FARS2: variants seen among roughly 807,000 people sequenced by gnomAD.
The protein encoded by FARS2 is phenylalanine--tRNA ligase, mitochondrial.
FARS2 carries 40 observed loss-of-function variants against 46.4 expected under a neutral mutation model. The observed-to-expected ratio is 0.86, with a 90% CI of 0.67 to 1.12. The LOEUF (loss-of-function observed/expected upper bound fraction) is 1.12, where lower values mean the gene tolerates loss of function less well. FARS2 is among the 50% of genes most tolerant of loss of function. The pLI is 0.00. For synonymous variants in FARS2, 234 were observed against 214.9 expected (o/e 1.09, Z -0.78); for missense variants, 513 against 567.9 (o/e 0.90, Z 0.98).
chr6:5,350,909 T>C (rs1344338423), intron 1 of FARS2, among the ~76,000 whole-genome samples: 3 of 152,148 alleles, frequency 2.0e-5, no homozygotes, highest in Middle Eastern at 3.2e-3. Context: ...AGAGCTGGGG[T>C]TTCTTCTAGC....
At chr6:5,659,968 T>G (rs924023814) in intron 6 of FARS2, among the ~76,000 whole-genome samples, 1 of 152,164 alleles carries the variant, frequency 6.6e-6, no homozygotes, top group Non-Finnish European at 1.5e-5. Flanking sequence ...TTTACTACCT[T>G]CCTCTCCCTT....
intron 6 of FARS2, among the ~76,000 whole-genome samples, chr6:5,770,152 T>C (rs1480232994): frequency 6.6e-6 from 1 of 152,200 alleles, no homozygotes; most frequent in Non-Finnish European, 1.5e-5. Flanking sequence ...GTGGCATCAA[T>C]GGGACTACCA....
At chr6:5,383,724 T>A (rs1269609088) in intron 2 of FARS2, among the ~76,000 whole-genome samples, 1 of 152,154 alleles carries the variant, frequency 6.6e-6, no homozygotes, top group Non-Finnish European at 1.5e-5. Flanking sequence ...ATGTCAATTA[T>A]GTATCTTGTG....
intron 6 of FARS2, among the ~76,000 whole-genome samples, chr6:5,702,032 T>C (rs969321339): frequency 1.3e-5 from 2 of 152,230 alleles, no homozygotes; most frequent in Admixed American, 6.5e-5. Context: ...TTGGCTATTT[T>C]TTAACTTTGT....
chr6:5,626,788 G>A (rs553677237), intron 6 of FARS2, among the ~76,000 whole-genome samples: 2 of 152,140 alleles, frequency 1.3e-5, no homozygotes, highest in African/African-American at 4.8e-5. Context: ...ATCACTTAAC[G>A]ACGGGGATAC....
In FARS2 at chr6:5,470,224, GA is replaced by G. The variant is rs936994963; in HGVS notation, c.904+39060del. ...CCAAGTGTGGATCAAAAATATTCAG[GA>G]AAAAAAATGCAAGTAAAAAACAATA... On this transcript the variant is annotated intron_variant, in intron 4 of 6. Coordinates refer to ENST00000274680, the MANE Select transcript of FARS2 (RefSeq NM_006567.5). Among the ~76,000 whole-genome samples, 3 of 151,768 alleles carry G rather than the reference GA, an allele frequency of 2.0e-5. 1 individual carries two copies. Among genetic ancestry groups the G allele is most frequent in the Admixed American group, 2.0e-4 (3 of 15,248 alleles).
intron 4 of FARS2, among the ~76,000 whole-genome samples, chr6:5,436,070 C>G (rs977212957): frequency 2.0e-5 from 3 of 152,266 alleles, no homozygotes; most frequent in Admixed American, 6.5e-5. Flanking sequence ...GACATACAAA[C>G]AAATGATTAC....
intron 5 of FARS2, among the ~76,000 whole-genome samples, chr6:5,576,454 C>T (rs1401362969): frequency 6.6e-6 from 1 of 151,956 alleles, no homozygotes; most frequent in Non-Finnish European, 1.5e-5. Context: ...AGTTTTGGCA[C>T]TCGTACTGGC....
At chr6:5,388,957 T>C (rs1760312938) in intron 2 of FARS2, among the ~76,000 whole-genome samples, 1 of 152,150 alleles carries the variant, frequency 6.6e-6, no homozygotes, top group African/African-American at 2.4e-5. Flanking sequence ...TTAGCAGGTA[T>C]CTTGTATTCC....
chr6:5,558,086 G>C (rs2150529331), intron 5 of FARS2, among the ~76,000 whole-genome samples: 1 of 151,982 alleles, frequency 6.6e-6, no homozygotes, highest in Admixed American at 6.6e-5. Context: ...AACGTTCTAG[G>C]GACCAAATGA....
intron 6 of FARS2, among the ~76,000 whole-genome samples, chr6:5,625,489 G>C (rs1775985029): frequency 6.6e-6 from 1 of 152,222 alleles, no homozygotes; most frequent in Non-Finnish European, 1.5e-5. Context: ...AGCATAGACA[G>C]GGATGAGGTC....
At chr6:5,417,102 G>C (rs1268297778) in intron 3 of FARS2, among the ~76,000 whole-genome samples, 2 of 152,130 alleles carry the variant, frequency 1.3e-5, no homozygotes, top group African/African-American at 2.4e-5. Context: ...CAGAAGGTCT[G>C]CTTCTGCTAG....
chr6:5,644,280 A>G (rs1776965889), intron 6 of FARS2, among the ~76,000 whole-genome samples: 1 of 151,826 alleles, frequency 6.6e-6, no homozygotes. Flanking sequence ...TGCTGCAGTC[A>G]CAGCTCACTG....
chr6:5,579,472 C>G (rs899386102), intron 5 of FARS2, among the ~76,000 whole-genome samples: 13 of 152,112 alleles, frequency 8.5e-5, no homozygotes, highest in Non-Finnish European at 1.9e-4. Flanking sequence ...TGGGATTTCA[C>G]CATGTTGGCC....
At chr6:5,436,972 T>TA (rs145082784) in intron 4 of FARS2, among the ~76,000 whole-genome samples, 2,417 of 152,322 alleles carry the variant, frequency 0.016, 66 homozygotes, top group African/African-American at 0.055. Context: ...GTTATTGACA[T>TA]ACGTATACAC....
At chr6:5,539,536 A>G (rs1305243428) in intron 4 of FARS2, among the ~76,000 whole-genome samples, 1 of 151,658 alleles carries the variant, frequency 6.6e-6, no homozygotes, top group Non-Finnish European at 1.5e-5. Context: ...TCGGCCAACC[A>G]TTTCTACATT....
At chr6:5,415,397 C>G (rs766170532) in intron 3 of FARS2, among the ~76,000 whole-genome samples, 3 of 143,970 alleles carry the variant, frequency 2.1e-5, no homozygotes, top group Non-Finnish European at 3.0e-5. Context: ...TCACTGCAAC[C>G]TCCACCTCCT....
chr6:5,644,966 A>C (rs1013747910), intron 6 of FARS2, among the ~76,000 whole-genome samples: 1 of 152,222 alleles, frequency 6.6e-6, no homozygotes, highest in Non-Finnish European at 1.5e-5. Context: ...GAGACTGAAC[A>C]AACTCTCAGA....
chr6:5,457,651 C>T (rs1318338064), intron 4 of FARS2, among the ~76,000 whole-genome samples: 1 of 152,112 alleles, frequency 6.6e-6, no homozygotes, highest in African/African-American at 2.4e-5. Context: ...TCTTGGACTC[C>T]ATGAATATTT....
Sources: allele counts gnomAD v4.1 joint callset (sites outside exome capture counted in the v4.1 genomes callset), GRCh38; gene constraint gnomAD v4.1.1; transcripts MANE v1.5; gene names NCBI Gene and HGNC (gene_info 2026-07-23, HGNC 2026-07-21).